ERBB4: variants seen among roughly 807,000 people sequenced by gnomAD.
The protein encoded by ERBB4 is erb-b2 receptor tyrosine kinase 4.
In ERBB4, 42 loss-of-function variants were observed where a neutral mutation model predicts 158.0. The ratio of observed to expected loss-of-function variants is 0.27; its 90% CI spans 0.21 to 0.34. ERBB4 has a LOEUF of 0.34. Among genes scored for constraint, ERBB4 ranks in the 10% least tolerant of loss-of-function variants. The probability of loss-of-function intolerance (pLI) is 1.00; values close to 1 mark genes in which losing one functional copy is unlikely to be tolerated. For missense variants in ERBB4, 1,333 were observed against 1,624.1 expected (o/e 0.82, Z 3.08); for synonymous variants, 583 against 558.7 (o/e 1.04, Z -0.61).
chr2:211,420,834 T>A (rs2063499076), intron 24 of ERBB4, among the ~76,000 whole-genome samples: 1 of 152,030 alleles, frequency 6.6e-6, no homozygotes, highest in South Asian at 2.1e-4. Flanking sequence ...GAGAATATGA[T>A]AAATGCCATT....
chr2:211,473,981 C>A (rs575093590), intron 20 of ERBB4, among the ~76,000 whole-genome samples: 2 of 152,106 alleles, frequency 1.3e-5, no homozygotes, highest in Admixed American at 6.6e-5. Flanking sequence ...CTTTCCATTT[C>A]GTCTCCAAGG....
intron 1 of ERBB4, among the ~76,000 whole-genome samples, chr2:212,145,261 T>C (rs1461974262): frequency 6.6e-6 from 1 of 152,198 alleles, no homozygotes; most frequent in Non-Finnish European, 1.5e-5. Context: ...AAGGCTTGGA[T>C]AGTATTTTTA....
intron 1 of ERBB4, among the ~76,000 whole-genome samples, chr2:212,257,144 A>G (rs1373137845): frequency 6.6e-6 from 1 of 152,140 alleles, no homozygotes; most frequent in African/African-American, 2.4e-5. Context: ...ATAAGTGAGG[A>G]CATGCAATAT....
At chr2:211,452,110 G>A (rs1049622571) in intron 20 of ERBB4, among the ~76,000 whole-genome samples, 4 of 152,140 alleles carry the variant, frequency 2.6e-5, no homozygotes, top group Non-Finnish European at 5.9e-5. Flanking sequence ...CTGATTTGAA[G>A]ATGAACAAAT....
At chr2:212,030,162 G>A (rs968165176) in intron 2 of ERBB4, among the ~76,000 whole-genome samples, 3 of 152,008 alleles carry the variant, frequency 2.0e-5, no homozygotes, top group African/African-American at 7.2e-5. Context: ...ATGTATGAAC[G>A]CACTTCCATC....
chr2:211,936,470 A>G (rs1426464496), intron 3 of ERBB4, among the ~76,000 whole-genome samples: 1 of 152,094 alleles, frequency 6.6e-6, no homozygotes, highest in Non-Finnish European at 1.5e-5. Context: ...TGTTATAGTC[A>G]TTATGATTCG....
At chr2:211,801,990 T>G (rs1000316917) in intron 3 of ERBB4, among the ~76,000 whole-genome samples, 2 of 152,148 alleles carry the variant, frequency 1.3e-5, no homozygotes, top group African/African-American at 2.4e-5. Flanking sequence ...CCGGGCACGG[T>G]GGCTCACGCC....
chr2:211,431,268 A>T (rs1266374307), intron 20 of ERBB4, among the ~76,000 whole-genome samples, 168 bp from the exon 21 acceptor site: 1 of 152,230 alleles, frequency 6.6e-6, no homozygotes, highest in Non-Finnish European at 1.5e-5. Flanking sequence ...GGGACAGCAA[A>T]CCACAAACAG....
At chr2:211,556,692 C>T (rs1473546168) in intron 20 of ERBB4, among the ~76,000 whole-genome samples, 1 of 151,978 alleles carries the variant, frequency 6.6e-6, no homozygotes, top group East Asian at 1.9e-4. Flanking sequence ...TCTCAGATCA[C>T]AGTGCAATAA....
chr2:211,689,235 C>T (rs996077209), intron 12 of ERBB4, among the ~76,000 whole-genome samples: 4 of 152,130 alleles, frequency 2.6e-5, no homozygotes, highest in Non-Finnish European at 2.9e-5. Context: ...CACTCTGTTG[C>T]CCTGGCTGGA....
chr2:211,868,536 G>A (rs1362204075), intron 3 of ERBB4, among the ~76,000 whole-genome samples: 1 of 152,076 alleles, frequency 6.6e-6, no homozygotes, highest in East Asian at 1.9e-4. Context: ...TGATAATTGT[G>A]AATAATACAG....
intron 3 of ERBB4, among the ~76,000 whole-genome samples, chr2:211,826,955 A>G (rs2077112509): frequency 6.6e-6 from 1 of 151,938 alleles, no homozygotes; most frequent in Non-Finnish European, 1.5e-5. Context: ...GCATGTGTGT[A>G]TATATTTAAA....
At chr2:211,994,349 C>A (rs1396436577) in intron 2 of ERBB4, among the ~76,000 whole-genome samples, 1 of 152,060 alleles carries the variant, frequency 6.6e-6, no homozygotes, top group Non-Finnish European at 1.5e-5. Context: ...CCAAGTCTGG[C>A]CTCAAACTCC....
At chr2:212,077,470 G>T (rs2078308105) in intron 2 of ERBB4, among the ~76,000 whole-genome samples, 1 of 151,882 alleles carries the variant, frequency 6.6e-6, no homozygotes, top group East Asian at 1.9e-4. Context: ...AAAAATCAGT[G>T]AACCCAGGTA....
At chr2:212,238,238 G>C (rs1258058516) in intron 1 of ERBB4, among the ~76,000 whole-genome samples, 3 of 152,214 alleles carry the variant, frequency 2.0e-5, no homozygotes, top group African/African-American at 7.2e-5. Flanking sequence ...CTGTTGTTGG[G>C]TTGCGAAGAC....
Position 211,414,669 on chromosome 2 carries a change from C to T in ERBB4, c.3135+5772G>A, listed in dbSNP as rs79796023. On this transcript the variant is annotated intron_variant, in intron 25 of 27. Coordinates refer to ENST00000342788, the MANE Select transcript of ERBB4 (RefSeq NM_005235.3). ...TGACTTTCAGTTTAGTTTTTTTATC[C>T]AGATTACCGTAAAGTGAATGAAAAG... 7.4e-3 allele frequency among the ~76,000 whole-genome samples: 1,126 copies of T among 151,912 alleles called. 15 individuals are homozygous for T. Among genetic ancestry groups the T allele is most frequent in the African/African-American group, 0.026 (1,077 of 41,440 alleles).
At chr2:212,047,773 C>T (rs1049404672) in intron 2 of ERBB4, among the ~76,000 whole-genome samples, 4 of 151,846 alleles carry the variant, frequency 2.6e-5, no homozygotes, top group East Asian at 1.9e-4. Context: ...CATGAGCCAC[C>T]GTGCCCAGCC....
chr2:212,068,854 G>C (rs1459870083), intron 2 of ERBB4, among the ~76,000 whole-genome samples: 1 of 152,046 alleles, frequency 6.6e-6, no homozygotes, highest in East Asian at 1.9e-4. Context: ...TTTGACCATA[G>C]GGATAGCAAT....
At chr2:211,965,378 A>C (rs1374866196) in intron 2 of ERBB4, among the ~76,000 whole-genome samples, 1 of 152,196 alleles carries the variant, frequency 6.6e-6, no homozygotes, top group African/African-American at 2.4e-5. Flanking sequence ...GATCAATATA[A>C]TCTATATTCA....
Sources: allele counts gnomAD v4.1 joint callset (sites outside exome capture counted in the v4.1 genomes callset), GRCh38; gene constraint gnomAD v4.1.1; transcripts MANE v1.5; gene names NCBI Gene and HGNC (gene_info 2026-07-23, HGNC 2026-07-21).